The following COL27A1 variants were observed in gnomAD, a reference collection of about 807,000 sequenced individuals.
COL27A1 encodes collagen type XXVII alpha 1 chain.
COL27A1 carries 106 observed loss-of-function variants against 251.3 expected under a neutral mutation model. The observed-to-expected ratio is 0.42, with a 90% confidence interval of 0.36 to 0.50. The LOEUF (loss-of-function observed/expected upper bound fraction) is 0.50, where lower values mean the gene tolerates loss of function less well. COL27A1 is among the 20% of genes least tolerant of loss of function. COL27A1 has a pLI of 0.00. For missense variants in COL27A1, 2,325 were observed against 2,522.8 expected, an observed-to-expected ratio of 0.92 and a Z score of 1.68; for synonymous variants, 1,000 against 986.3, an observed-to-expected ratio of 1.01 and a Z score of -0.26.
chr9:114,307,079 C>T, intron 58 of COL27A1: 1 of 204,902 alleles, frequency 4.9e-6, no homozygotes, highest in Non-Finnish European at 9.9e-6. Flanking sequence ...ACCTGAGTTC[C>T]AATGTCAGTT....
Position 114,234,815 on chromosome 9 carries a change from C to T in COL27A1, c.2566-784C>T, listed in dbSNP as rs148594284. On this transcript the variant is annotated intron_variant, in intron 16 of 60. Transcript: ENST00000356083. ...TAGACCGGCCAGGCACAGTGGCTCA[C>T]GCCTGTAATCCCAGCACGAGGCGGG... Among the ~76,000 whole-genome samples, 1,085 of 151,888 alleles carry T rather than the reference C, an allele frequency of 7.1e-3. 10 individuals carry two copies. Among genetic ancestry groups the T allele is most frequent in the African/African-American group, 0.025 (1,021 of 41,364 alleles).
intron 28 of COL27A1, 39 bp downstream of exon 28, chr9:114,258,633 G>C (rs762689728): frequency 6.2e-7 from 1 of 1,603,432 alleles, no homozygotes; most frequent in Non-Finnish European, 8.5e-7. Flanking sequence ...ATGCTGGTGG[G>C]AGGGGGCACA....
chr9:114,300,211 G>A (rs1649335566), intron 50 of COL27A1, 88 bp downstream of exon 50: 2 of 1,371,356 alleles, frequency 1.5e-6, no homozygotes, highest in African/African-American at 1.4e-5. Context: ...TATTTATGGA[G>A]CACTGAAAAC....
At chr9:114,217,545 C>T (rs760720364) in intron 12 of COL27A1, among the ~76,000 whole-genome samples, 26 of 152,252 alleles carry the variant, frequency 1.7e-4, no homozygotes, top group Non-Finnish European at 1.5e-4. Context: ...GATCACACAC[C>T]TCCAACCTGA....
At chr9:114,185,349 G>A (rs1588614311) in intron 5 of COL27A1, among the ~76,000 whole-genome samples, 1 of 152,240 alleles carries the variant, frequency 6.6e-6, no homozygotes, top group Non-Finnish European at 1.5e-5. Context: ...TAAAATGCCA[G>A]GGGGAAATGT....
rs114735694 is a variant in COL27A1 at position 114,243,012 on chromosome 9, G to C, written c.2881-495G>C. On this transcript the variant is annotated intron_variant, in intron 22 of 60. Coordinates refer to ENST00000356083, the MANE Select transcript of COL27A1 (RefSeq NM_032888.4). The stretch of plus-strand genomic sequence containing the variant: ...GCATTCAATCCACTGACAATATTGC[G>C]CGCCATGCAGCCTCGGGAAGATGCC... Among the ~76,000 whole-genome samples, 1,103 of 152,170 alleles carry C rather than the reference G, an allele frequency of 7.2e-3. 10 individuals carry two copies. The highest frequency in any genetic ancestry group is 0.025 in the African/African-American group (1,052 of 41,504).
chr9:114,168,749 G>A lies in COL27A1; in HGVS notation c.1194G>A (p.Lys398=), dbSNP rs758266288. ...TQKTAPSSFT[K]SALPTQKQVP... is the part of the protein sequence containing the mutation. The stretch of plus-strand genomic sequence containing the variant: ...AAACAGCTCCATCTTCATTTACAAA[G>A]TCAGCCCTACCCACTCAGAAGCAAG... Residue 398 remains lysine, a synonymous_variant, in exon 3 of 61, where the codon AAG becomes AAA. Transcript: ENST00000356083. 2 of 1,613,952 alleles carry A rather than the reference G, an allele frequency of 1.2e-6. No individual in the cohort carries two copies.
intron 1 of COL27A1, among the ~76,000 whole-genome samples, chr9:114,156,588 G>A (rs1389204229): frequency 1.3e-5 from 2 of 152,102 alleles, no homozygotes; most frequent in Non-Finnish European, 2.9e-5. Context: ...TGTGTTTCCT[G>A]CTTCTCGGTT....
At chr9:114,263,624 G>T (rs1411549729) in intron 28 of COL27A1, among the ~76,000 whole-genome samples, 1 of 152,148 alleles carries the variant, frequency 6.6e-6, no homozygotes, top group African/African-American at 2.4e-5. Flanking sequence ...ACTTCCCTTG[G>T]CTGGGCCTTA....
chr9:114,244,805 T>C (rs1186165041), intron 23 of COL27A1, among the ~76,000 whole-genome samples: 1 of 152,304 alleles, frequency 6.6e-6, no homozygotes, highest in South Asian at 2.1e-4. Context: ...GTTGGGTTTC[T>C]GTGGTGGGAG....
chr9:114,297,774 T>A (rs963475160), intron 49 of COL27A1, among the ~76,000 whole-genome samples: 1 of 152,170 alleles, frequency 6.6e-6, no homozygotes, highest in Non-Finnish European at 1.5e-5. Context: ...AAGCCAAGGA[T>A]GTCCACTGTT....
chr9:114,217,599 A>G (rs568032586), intron 12 of COL27A1, among the ~76,000 whole-genome samples: 5 of 152,268 alleles, frequency 3.3e-5, no homozygotes, highest in African/African-American at 4.8e-5. Context: ...AAGGTCAGAC[A>G]GCCAGCCTAG....
chr9:114,288,543 C>G (rs150239449), intron 42 of COL27A1, 32 bp downstream of exon 42: 2 of 1,583,344 alleles, frequency 1.3e-6, no homozygotes, highest in Admixed American at 1.8e-5. Flanking sequence ...GACCATGTGG[C>G]GTCCTAGGTG....
At chr9:114,265,579 G>A (rs978180017) in intron 32 of COL27A1, 104 bp downstream of exon 32, 1 of 1,154,754 alleles carries the variant, frequency 8.7e-7, no homozygotes, top group Non-Finnish European at 1.3e-6. Flanking sequence ...ACCATGCCTG[G>A]CCTCTAACCC....
intron 19 of COL27A1, among the ~76,000 whole-genome samples, chr9:114,239,809 C>T (rs1832629875): frequency 6.6e-6 from 1 of 152,176 alleles, no homozygotes; most frequent in South Asian, 2.1e-4. Flanking sequence ...TCACAGCAAA[C>T]CCAGAAAATC....
chr9:114,259,693 A>C (rs2135565901), intron 28 of COL27A1, among the ~76,000 whole-genome samples: 1 of 152,282 alleles, frequency 6.6e-6, no homozygotes, highest in African/African-American at 2.4e-5. Context: ...ATTCAGCCTT[A>C]TTTTCAATCA....
At position 114,310,623 on chromosome 9, in the gene COL27A1, T is replaced by C. The variant is rs773501049; in HGVS notation, c.5511T>C (p.Ser1837=). 6.2e-7 allele frequency: 1 copy of C among 1,614,136 alleles called. No individual in the cohort carries two copies. Residue 1837 remains serine, a synonymous_variant, in exon 61 of 61, where the codon AGT becomes AGC. Coordinates refer to ENST00000356083, the MANE Select transcript of COL27A1 (RefSeq NM_032888.4). ...TQDPQQLPII[S]VDNLPPASSG... ...ACCCCCAACAGCTGCCCATCATCAG[T>C]GTGGACAACCTCCCTCCTGCCTCAT...
Position 114,194,579 on chromosome 9 carries a change from A to G in COL27A1, c.2070+122A>G, listed in dbSNP as rs548731016. The G allele has an allele frequency of 1.6e-5, 14 of 866,454 alleles. No individual in the cohort carries two copies. The South Asian group carries it at 2.2e-4, about 14-fold the overall frequency. 53.7% of individuals were successfully genotyped at this position (866,454 alleles called of 1,614,324 possible). A position where few individuals can be genotyped will look rare whatever the true frequency, so the allele number is the denominator to read the frequency against. ...ATGGCAAAGGCAGGGAGGTGGGAAC[A>G]TCTGGAAGGGTTAGGGTATGGTTTG... On this transcript the variant is annotated intron_variant, in intron 6 of 60. Coordinates refer to ENST00000356083, the MANE Select transcript of COL27A1 (RefSeq NM_032888.4).
chr9:114,161,019 A>T (rs1848462362), intron 1 of COL27A1, among the ~76,000 whole-genome samples: 1 of 152,156 alleles, frequency 6.6e-6, no homozygotes, highest in African/African-American at 2.4e-5. Context: ...AATAGTTTAA[A>T]CGATAAGGGG....
Sources: allele counts gnomAD v4.1 joint callset (sites outside exome capture counted in the v4.1 genomes callset), GRCh38; gene constraint gnomAD v4.1.1; transcripts MANE v1.5; gene names NCBI Gene and HGNC (gene_info 2026-07-23, HGNC 2026-07-21).